Variants in CCNY observed in about 807,000 individuals in gnomAD.
CCNY encodes the protein cyclin Y, also known as cyclin-Y.
Under a neutral mutation model 42.8 loss-of-function variants are expected in CCNY, and 19 were observed. That is an observed-to-expected ratio of 0.44 (90% CI 0.31 to 0.65). The LOEUF (loss-of-function observed/expected upper bound fraction) is 0.65. Ranked by LOEUF, CCNY falls within the 30% of genes least tolerant of loss-of-function variation. The pLI is 0.07. For missense variants in CCNY, 370 were observed against 437.3 expected, an observed-to-expected ratio of 0.85 and a Z score of 1.37; for synonymous variants, 165 against 162.7, an observed-to-expected ratio of 1.01 and a Z score of -0.11.
intron 3 of CCNY, among the ~76,000 whole-genome samples, chr10:35,300,968 C>A (rs1334984132): frequency 6.6e-6 from 1 of 152,196 alleles, no homozygotes; most frequent in East Asian, 1.9e-4. Context: ...CCATGCCTGG[C>A]TAATTTGTTT....
intron 1 of CCNY, among the ~76,000 whole-genome samples, chr10:35,373,678 T>C (rs1836987819): frequency 6.6e-6 from 1 of 152,234 alleles, no homozygotes; most frequent in Admixed American, 6.5e-5. Context: ...TAATGAATAG[T>C]AAATCTATTT....
At chr10:35,555,051 G>T (rs1190973626) in intron 8 of CCNY, among the ~76,000 whole-genome samples, 1 of 152,184 alleles carries the variant, frequency 6.6e-6, no homozygotes, top group Non-Finnish European at 1.5e-5. Flanking sequence ...TAAAATATTT[G>T]TCAGGAGGTA....
chr10:35,327,182 A>T (rs1287882516), intron 3 of CCNY, among the ~76,000 whole-genome samples: 3 of 152,212 alleles, frequency 2.0e-5, no homozygotes, highest in African/African-American at 7.2e-5. Context: ...AAAAAGAAGG[A>T]ACAGAGGAAA....
chr10:35,268,257 T>A (rs1202992428), intron 3 of CCNY, among the ~76,000 whole-genome samples: 1 of 152,168 alleles, frequency 6.6e-6, no homozygotes, highest in African/African-American at 2.4e-5. Flanking sequence ...CTCACACCTA[T>A]AATCCCAACA....
At chr10:35,430,216 A>G (rs1365263146) in intron 1 of CCNY, among the ~76,000 whole-genome samples, 4 of 150,102 alleles carry the variant, frequency 2.7e-5, no homozygotes, top group Non-Finnish European at 6.0e-5. Flanking sequence ...GGGCGCCTGT[A>G]GTCCCAGCTA....
At chr10:35,253,307 T>C (rs2095713210) in intron 3 of CCNY, among the ~76,000 whole-genome samples, 1 of 152,082 alleles carries the variant, frequency 6.6e-6, no homozygotes, top group Admixed American at 6.6e-5. Context: ...TGGAGTGCAG[T>C]TGTGCTATCA....
intron 2 of CCNY, among the ~76,000 whole-genome samples, chr10:35,498,013 T>G (rs1182523786): frequency 6.6e-6 from 1 of 152,114 alleles, no homozygotes; most frequent in African/African-American, 2.4e-5. Context: ...GTCACACTCA[T>G]GACTGTAACT....
chr10:35,319,956 A>G (rs191911810), intron 3 of CCNY, among the ~76,000 whole-genome samples: 1 of 152,252 alleles, frequency 6.6e-6, no homozygotes. Flanking sequence ...TCTCAAAAAA[A>G]GAAAAAAGAA....
At chr10:35,315,050 C>T (rs1200608450) in intron 3 of CCNY, 1 of 152,148 alleles carries the variant, frequency 6.6e-6, no homozygotes, top group Non-Finnish European at 1.5e-5. Flanking sequence ...CACCGCACTC[C>T]AGCCTGGGCA....
intron 3 of CCNY, among the ~76,000 whole-genome samples, chr10:35,289,616 G>C (rs928130697): frequency 1.3e-5 from 2 of 152,282 alleles, no homozygotes; most frequent in Admixed American, 6.5e-5. Context: ...GCTCAGACCT[G>C]TAATTCCTGC....
intron 1 of CCNY, among the ~76,000 whole-genome samples, chr10:35,472,794 C>T (rs1009845876): frequency 2.0e-5 from 3 of 152,102 alleles, no homozygotes; most frequent in African/African-American, 7.2e-5. Context: ...CACCATTAAT[C>T]GACTGTAGCC....
At chr10:35,331,749 A>G (rs1589039316), upstream of CCNY, among the ~76,000 whole-genome samples, 1 of 152,200 alleles carries the variant, frequency 6.6e-6, no homozygotes, top group Non-Finnish European at 1.5e-5. Flanking sequence ...ATTTCTGGGT[A>G]GTTTCTAATT....
intron 3 of CCNY, among the ~76,000 whole-genome samples, chr10:35,329,793 G>A (rs771669560): frequency 2.0e-5 from 3 of 152,128 alleles, no homozygotes; most frequent in Admixed American, 1.3e-4. Flanking sequence ...AAAGCCTGGC[G>A]AGCAGGCCAA....
intron 1 of CCNY, among the ~76,000 whole-genome samples, chr10:35,352,729 A>G (rs577837449): frequency 6.6e-6 from 1 of 152,338 alleles, no homozygotes; most frequent in South Asian, 2.1e-4. Context: ...GTGTAGGGGA[A>G]GAAGGGACAC....
chr10:35,270,794 C>T (rs1401211006), intron 3 of CCNY, among the ~76,000 whole-genome samples: 2 of 141,840 alleles, frequency 1.4e-5, no homozygotes, highest in Non-Finnish European at 3.0e-5. Flanking sequence ...GGTGTGATCT[C>T]GGCTCACTGC....
chr10:35,295,753 G>A (rs901306461), intron 3 of CCNY, among the ~76,000 whole-genome samples: 1 of 151,898 alleles, frequency 6.6e-6, no homozygotes, highest in African/African-American at 2.4e-5. Flanking sequence ...GTCCTTTTGT[G>A]TCTGGCTTAT....
Position 35,478,321 on chromosome 10 carries a change from G to A in CCNY, c.155-5083G>A, listed in dbSNP as rs1483720096. On this transcript the variant is annotated intron_variant, in intron 1 of 9. Coordinates refer to ENST00000374704, the MANE Select transcript of CCNY (RefSeq NM_145012.6). The stretch of plus-strand genomic sequence containing the variant: ...TTCATATGGAACCAAAAAAGAGCGC[G>A]CATCACCAAGTCAATCCTAAGCCAA... Among the ~76,000 whole-genome samples, 67 of 151,738 alleles carry A rather than the reference G, an allele frequency of 4.4e-4. 1 individual carries two copies. The highest frequency in any genetic ancestry group is 4.6e-4 in the Admixed American group (7 of 15,218).
chr10:35,393,377 G>A (rs143878647), intron 1 of CCNY, among the ~76,000 whole-genome samples: 75 of 152,236 alleles, frequency 4.9e-4, no homozygotes, highest in African/African-American at 1.5e-3. Context: ...CTCAGAAATC[G>A]TGGCCTGGTT....
At chr10:35,532,277 C>A (rs890899584) in intron 7 of CCNY, among the ~76,000 whole-genome samples, 1 of 152,226 alleles carries the variant, frequency 6.6e-6, no homozygotes, top group Admixed American at 6.5e-5. Flanking sequence ...TCATTCAGGA[C>A]AAGTCTGGCC....
Sources: gnomAD v4.1 joint callset for allele counts (sites outside exome capture counted in the v4.1 genomes callset) on GRCh38, gnomAD v4.1.1 for gene constraint, MANE v1.5 for transcripts, NCBI Gene and HGNC (gene_info 2026-07-23, HGNC 2026-07-21) for gene names.